The following AHCY variants were observed in gnomAD, a reference collection of about 807,000 sequenced individuals.
AHCY encodes the protein S-adenosyl-L-homocysteine hydrolase.
Under a neutral mutation model 45.4 loss-of-function variants are expected in AHCY, and 24 were observed. The ratio of observed to expected loss-of-function variants is 0.53; its 90% CI spans 0.38 to 0.74. The LOEUF (loss-of-function observed/expected upper bound fraction) is 0.74, where lower values mean the gene tolerates loss of function less well. Ranked by LOEUF, AHCY falls within the 30% of genes least tolerant of loss-of-function variation. The pLI is 0.00. For missense variants in AHCY, 449 were observed against 594.1 expected, an observed-to-expected ratio of 0.76 and a Z score of 2.54; for synonymous variants, 245 against 235.1, an observed-to-expected ratio of 1.04 and a Z score of -0.39.
At chr20:34,293,312 C>T (rs2036463042) in intron 3 of AHCY, among the ~76,000 whole-genome samples, 1 of 152,034 alleles carries the variant, frequency 6.6e-6, no homozygotes, top group African/African-American at 2.4e-5. Flanking sequence ...TGTGGGGTTC[C>T]CAGGAGCCTC....
the AHCY span, among the ~76,000 whole-genome samples, chr20:34,251,520 C>T: frequency 3.9e-5 from 6 of 152,032 alleles, no homozygotes; most frequent in Admixed American, 2.0e-4. Flanking sequence ...GTGATCCGTC[C>T]GCCTCGGCCT....
At position 34,292,580 on chromosome 20, in the gene AHCY, G is replaced by A. The variant is rs1357522336; in HGVS notation, c.296-73C>T. 4.4e-6 allele frequency: 7 copies of A among 1,604,454 alleles called. 1 individual carries two copies. Among genetic ancestry groups the A allele is most frequent in the East Asian group, 2.2e-5 (1 of 44,838 alleles). ...TGCTCCAGGGAACAACTCTGGCAGA[G>A]CCAAAACTACCTCCTTCCCAACTCC... is the stretch of plus-strand genomic sequence containing the variant. On this transcript the variant is annotated intron_variant, in intron 3 of 9. Transcript: ENST00000217426.
chr20:34,262,833 G>T, the AHCY span: 3 of 1,613,718 alleles, frequency 1.9e-6, no homozygotes, highest in Admixed American at 1.7e-5. Context: ...TCTTTGAAGC[G>T]CTGAACAAGA....
intron 2 of AHCY, 122 bp downstream of exon 2, chr20:34,295,273 A>AC: frequency 8.4e-7 from 1 of 1,183,908 alleles, no homozygotes; most frequent in Non-Finnish European, 1.2e-6. Context: ...AGAGGGAGGA[A>AC]CCCCTCCAGG....
chr20:34,257,026 ATTTC>A, the AHCY span, among the ~76,000 whole-genome samples: 6 of 148,474 alleles, frequency 4.0e-5, no homozygotes, highest in South Asian at 2.2e-4. Flanking sequence ...TTAAAGTTGA[ATTTC>A]TTTCTTTCTT....
the AHCY span, chr20:34,262,947 A>C: frequency 6.3e-7 from 1 of 1,596,186 alleles, no homozygotes; most frequent in South Asian, 1.1e-5. Flanking sequence ...ACTGGACTTA[A>C]AGAAGGAGGA....
At chr20:34,250,633 A>G in the AHCY span, among the ~76,000 whole-genome samples, 1 of 152,206 alleles carries the variant, frequency 6.6e-6, no homozygotes, top group Non-Finnish European at 1.5e-5. Context: ...CCCGATCTCT[A>G]CTAAAAGTAC....
At chr20:34,303,433 G>C, upstream of AHCY, 2 of 1,031,160 alleles carry the variant, frequency 1.9e-6, no homozygotes, top group South Asian at 2.8e-5. Context: ...GGGGCCCAAC[G>C]CGCAGGGCGG....
chr20:34,235,891 A>T, the AHCY span, among the ~76,000 whole-genome samples: 1 of 97,596 alleles, frequency 1.0e-5, no homozygotes, highest in African/African-American at 5.3e-5. Flanking sequence ...GGAAGGAAGG[A>T]AGGAAGGAAA....
chr20:34,282,727 G>A (rs1471230618), intron 9 of AHCY, among the ~76,000 whole-genome samples: 2 of 152,166 alleles, frequency 1.3e-5, no homozygotes, highest in African/African-American at 4.8e-5. Context: ...TGTGTCTCAA[G>A]CATCCCAGCT....
the AHCY span, among the ~76,000 whole-genome samples, chr20:34,271,138 C>T: frequency 1.3e-5 from 2 of 151,504 alleles, no homozygotes; most frequent in Admixed American, 6.6e-5. Context: ...GACAGGGTTT[C>T]GCCATGATGG....
At position 34,295,601 on chromosome 20, in the gene AHCY, G is replaced by A. The variant is rs150128901; in HGVS notation, c.29-16C>T. On this transcript the variant is annotated splice_polypyrimidine_tract_variant and intron_variant, in intron 1 of 9. Transcript: ENST00000217426. The stretch of plus-strand genomic sequence containing the variant: ...CCGATGTCGGCTACGGGAGGAAACA[G>A]GTGGGAGTTCCGTGAGTCCCCTCAT... The A allele has an allele frequency of 7.3e-4, 1,178 of 1,612,922 alleles. No individual in the cohort carries two copies. The highest frequency in any genetic ancestry group is 9.4e-4 in the Non-Finnish European group (1,104 of 1,179,558).
chr20:34,294,055 A>G (rs1233888080), intron 3 of AHCY, 26 bp downstream of exon 3: 2 of 1,611,628 alleles, frequency 1.2e-6, no homozygotes, highest in Non-Finnish European at 1.7e-6. Context: ...CACAAATTCC[A>G]CGTCTCAGAA....
At chr20:34,247,067 A>T in the AHCY span, among the ~76,000 whole-genome samples, 1 of 152,022 alleles carries the variant, frequency 6.6e-6, no homozygotes, top group African/African-American at 2.4e-5. Context: ...ATCATGGCTC[A>T]CCACAGCCTC....
the AHCY span, among the ~76,000 whole-genome samples, chr20:34,249,090 C>G: frequency 6.7e-6 from 1 of 150,166 alleles, no homozygotes; most frequent in Non-Finnish European, 1.5e-5. Flanking sequence ...GATGGCACCA[C>G]TGCACTCCAG....
intron 3 of AHCY, 147 bp downstream of exon 3, chr20:34,293,934 C>G: frequency 2.5e-6 from 2 of 805,804 alleles, no homozygotes; most frequent in Admixed American, 4.0e-5. Context: ...GCAGCTCTTT[C>G]CTGTGGGGTC....
the AHCY span, among the ~76,000 whole-genome samples, chr20:34,271,565 C>CTTTT: frequency 5.7e-5 from 7 of 123,412 alleles, no homozygotes; most frequent in Admixed American, 2.7e-4. Flanking sequence ...TTGAACAAGC[C>CTTTT]TTTTTTTTTT....
chr20:34,295,566 G>A lies in AHCY; in HGVS notation c.48C>T (p.Ala16=). 6 of 1,614,130 alleles carry A rather than the reference G, an allele frequency of 3.7e-6. No individual in the cohort carries two copies. Among genetic ancestry groups the A allele is most frequent in the Non-Finnish European group, 5.1e-6 (6 of 1,180,024 alleles). The change falls in exon 2 of 10, where the codon GCC becomes GCT. Residue 16 remains alanine (A), a synonymous_variant. Coordinates refer to ENST00000217426, the MANE Select transcript of AHCY (RefSeq NM_000687.4). ...PYKVADIGLA[A]WGRKALDIAE... ...CAATGTCCAGGGCCTTGCGTCCCCA[G>A]GCAGCCAGGCCGATGTCGGCTACGG...
the AHCY span, among the ~76,000 whole-genome samples, chr20:34,233,374 C>T: frequency 6.6e-6 from 1 of 151,966 alleles, no homozygotes; most frequent in East Asian, 1.9e-4. Flanking sequence ...GTCTTGATCT[C>T]CTGACCTCAT....
Sources: allele counts gnomAD v4.1 joint callset (sites outside exome capture counted in the v4.1 genomes callset), GRCh38; gene constraint gnomAD v4.1.1; transcripts MANE v1.5; gene names NCBI Gene and HGNC (gene_info 2026-07-23, HGNC 2026-07-21).